HNRNPC: variants seen among roughly 807,000 people sequenced by gnomAD.
HNRNPC encodes the protein heterogeneous nuclear ribonucleoprotein C.
In HNRNPC, 3 loss-of-function variants were observed where a neutral mutation model predicts 33.2. The observed-to-expected ratio is 0.09, with a 90% CI of 0.04 to 0.23. The LOEUF is 0.23. Among genes scored for constraint, HNRNPC ranks in the 10% least tolerant of loss-of-function variants. The pLI, the probability that HNRNPC is intolerant of heterozygous loss-of-function variation, is 1.00. For synonymous variants in HNRNPC, 121 were observed against 126.7 expected, an observed-to-expected ratio of 0.96 and a Z score of 0.30; for missense variants, 143 against 366.7, an observed-to-expected ratio of 0.39 and a Z score of 4.98.
intron 2 of HNRNPC, among the ~76,000 whole-genome samples, chr14:21,254,273 AAT>A (rs1876735677): frequency 6.6e-6 from 1 of 152,136 alleles, no homozygotes. Flanking sequence ...ACAAGTATAC[AAT>A]GTACCATGTA....
At chr14:21,261,592 T>C (rs953943824) in intron 2 of HNRNPC, among the ~76,000 whole-genome samples, 8 of 152,140 alleles carry the variant, frequency 5.3e-5, no homozygotes, top group Admixed American at 3.3e-4. Context: ...GTACCGAATA[T>C]GCCTTCAAAA....
intron 5 of HNRNPC, among the ~76,000 whole-genome samples, chr14:21,213,645 T>C (rs145230279): frequency 6.6e-6 from 1 of 152,176 alleles, no homozygotes; most frequent in Admixed American, 6.5e-5. Context: ...TTGAACCATA[T>C]AAAATTTCAG....
intron 5 of HNRNPC, among the ~76,000 whole-genome samples, chr14:21,216,609 T>G (rs761946742): frequency 2.6e-5 from 4 of 152,110 alleles, no homozygotes; most frequent in Non-Finnish European, 4.4e-5. Context: ...CTCCGGGGGC[T>G]GAGGGACAAC....
chr14:21,253,818 C>A (rs916267015), intron 2 of HNRNPC, among the ~76,000 whole-genome samples: 1 of 152,066 alleles, frequency 6.6e-6, no homozygotes, highest in African/African-American at 2.4e-5. Context: ...GTAATCCCAG[C>A]ACTTTGGGAG....
At chr14:21,262,338 A>G (rs1287497441) in intron 2 of HNRNPC, among the ~76,000 whole-genome samples, 2 of 152,262 alleles carry the variant, frequency 1.3e-5, no homozygotes, top group Non-Finnish European at 2.9e-5. Flanking sequence ...CTAATCATTA[A>G]AACAAGCCAC....
intron 5 of HNRNPC, among the ~76,000 whole-genome samples, chr14:21,215,859 A>T (rs1892096253): frequency 6.7e-6 from 1 of 149,526 alleles, no homozygotes; most frequent in Non-Finnish European, 1.5e-5. Context: ...AGATCATTCC[A>T]CTGTACTCCA....
chr14:21,236,708 T>C (rs1303592422), intron 2 of HNRNPC, among the ~76,000 whole-genome samples: 1 of 152,122 alleles, frequency 6.6e-6, no homozygotes, highest in Admixed American at 6.5e-5. Context: ...TTTTAAAGTA[T>C]CATACAGGTG....
chr14:21,214,032 C>A (rs545229801), intron 5 of HNRNPC, among the ~76,000 whole-genome samples: 10 of 152,340 alleles, frequency 6.6e-5, no homozygotes, highest in African/African-American at 2.4e-4. Context: ...CAAAATACTT[C>A]TTACATGGAC....
chr14:21,266,472 A>G (rs1482441656), intron 1 of HNRNPC, among the ~76,000 whole-genome samples: 2 of 151,938 alleles, frequency 1.3e-5, no homozygotes, highest in African/African-American at 4.8e-5. Context: ...AGCACCAAAT[A>G]ATGTTTTCCT....
intron 5 of HNRNPC, among the ~76,000 whole-genome samples, chr14:21,229,766 C>A (rs1893901228): frequency 6.6e-6 from 1 of 152,126 alleles, no homozygotes; most frequent in Admixed American, 6.5e-5. Flanking sequence ...ATACTAATGA[C>A]TGGAATACTG....
At chr14:21,242,572 T>C (rs189021938) in intron 2 of HNRNPC, among the ~76,000 whole-genome samples, 4 of 152,352 alleles carry the variant, frequency 2.6e-5, no homozygotes, top group Admixed American at 2.0e-4. Flanking sequence ...TGTCGATGTA[T>C]GCTAAAAGCG....
At chr14:21,227,441 G>A (rs1442806340) in intron 5 of HNRNPC, among the ~76,000 whole-genome samples, 1 of 152,182 alleles carries the variant, frequency 6.6e-6, no homozygotes, top group Non-Finnish European at 1.5e-5. Context: ...AACAATAGAA[G>A]ACATTACTTT....
At chr14:21,230,747 C>T (rs1894022818) in intron 4 of HNRNPC, 2 of 517,610 alleles carry the variant, frequency 3.9e-6, no homozygotes, top group African/African-American at 3.9e-5. Context: ...TCAAACTACT[C>T]TTTAATATCA....
intron 3 of HNRNPC, chr14:21,231,500 AATTTTTCT>A: frequency 2.4e-6 from 1 of 420,594 alleles, no homozygotes; most frequent in Non-Finnish European, 4.8e-6. Context: ...ACGCCTGGTT[AATTTTTCT>A]ATTTTTCGTA....
chr14:21,254,225 G>A (rs896319822), intron 2 of HNRNPC, among the ~76,000 whole-genome samples: 1 of 152,072 alleles, frequency 6.6e-6, no homozygotes, highest in Admixed American at 6.6e-5. Flanking sequence ...AAAAAATGGG[G>A]ACGAGTACAA....
intron 2 of HNRNPC, among the ~76,000 whole-genome samples, chr14:21,240,170 G>A (rs1895184341): frequency 6.6e-6 from 1 of 152,092 alleles, no homozygotes; most frequent in Non-Finnish European, 1.5e-5. Flanking sequence ...AATAGTAGTG[G>A]GAAGGACAAG....
intron 5 of HNRNPC, among the ~76,000 whole-genome samples, chr14:21,220,071 T>C (rs1892652198): frequency 6.6e-6 from 1 of 152,222 alleles, no homozygotes; most frequent in Non-Finnish European, 1.5e-5. Flanking sequence ...ATTATCTTTC[T>C]CAGTAAGAGT....
At chr14:21,262,154 T>C (rs181326400) in intron 2 of HNRNPC, among the ~76,000 whole-genome samples, 5 of 152,324 alleles carry the variant, frequency 3.3e-5, no homozygotes, top group Admixed American at 3.3e-4. Context: ...AGCATTTTAA[T>C]ATTATGTTGT....
intron 2 of HNRNPC, among the ~76,000 whole-genome samples, chr14:21,238,863 A>C (rs950449978): frequency 2.0e-5 from 3 of 152,214 alleles, no homozygotes; most frequent in African/African-American, 7.2e-5. Context: ...GCAGTGGCTC[A>C]CACCTGTAAT....
Sources: allele counts gnomAD v4.1 joint callset (sites outside exome capture counted in the v4.1 genomes callset), GRCh38; gene constraint gnomAD v4.1.1; transcripts MANE v1.5; gene names NCBI Gene and HGNC (gene_info 2026-07-23, HGNC 2026-07-21).